Variants in BNC2 observed in about 807,000 individuals in gnomAD.
BNC2 encodes zinc finger protein basonuclin-2.
BNC2 carries 20 observed loss-of-function variants against 76.3 expected under a neutral mutation model. That is an observed-to-expected ratio of 0.26 (90% CI 0.18 to 0.38). BNC2 has a LOEUF of 0.38. Ranked by LOEUF, BNC2 falls within the 10% of genes least tolerant of loss-of-function variation. The pLI is 1.00. For synonymous variants in BNC2, 582 were observed against 514.8 expected (o/e 1.13, Z -1.77); for missense variants, 1,382 against 1,399.8 (o/e 0.99, Z 0.20).
In BNC2 at chr9:16,791,060, T is replaced by C. The variant is rs141543894; in HGVS notation, c.4-52575A>G. 4.6e-3 allele frequency among the ~76,000 whole-genome samples: 700 copies of C among 151,946 alleles called. 5 individuals are homozygous for C. The highest frequency in any genetic ancestry group is 0.016 in the African/African-American group (662 of 41,374). On this transcript the variant is annotated intron_variant, in intron 1 of 6. Coordinates refer to ENST00000380672, the MANE Select transcript of BNC2 (RefSeq NM_017637.6). The stretch of plus-strand genomic sequence containing the variant: ...TAGTGTATGGGATTTTATACAATTA[T>C]AGATTTTTTTTTTTCTTTTGAGATG...
chr9:16,846,603 A>C (rs1563969202), intron 1 of BNC2, among the ~76,000 whole-genome samples: 1 of 152,242 alleles, frequency 6.6e-6, no homozygotes, highest in East Asian at 1.9e-4. Context: ...TTCAGCAGGC[A>C]TGGACAAGGA....
intron 5 of BNC2, among the ~76,000 whole-genome samples, chr9:16,501,711 T>C (rs144943675): frequency 7.2e-5 from 11 of 152,242 alleles, no homozygotes; most frequent in Admixed American, 1.3e-4. Flanking sequence ...CTGTCCACAA[T>C]TGGTTTGATG....
At chr9:16,581,197 A>G (rs971294696) in intron 4 of BNC2, among the ~76,000 whole-genome samples, 2 of 152,362 alleles carry the variant, frequency 1.3e-5, no homozygotes, top group African/African-American at 4.8e-5. Context: ...TTAAGTTAAA[A>G]TGAGGCCCTT....
chr9:16,676,643 T>C (rs939660418), intron 3 of BNC2, among the ~76,000 whole-genome samples: 1 of 152,210 alleles, frequency 6.6e-6, no homozygotes, highest in African/African-American at 2.4e-5. Context: ...TAATCCACAA[T>C]GTATCTGACA....
At chr9:16,469,707 A>T (rs1821778705) in intron 5 of BNC2, among the ~76,000 whole-genome samples, 1 of 152,222 alleles carries the variant, frequency 6.6e-6, no homozygotes, top group African/African-American at 2.4e-5. Flanking sequence ...AAAATGTGGA[A>T]GTTTGGAACT....
chr9:16,526,493 T>TG (rs1554664915), intron 5 of BNC2, among the ~76,000 whole-genome samples: 5 of 130,962 alleles, frequency 3.8e-5, no homozygotes, highest in African/African-American at 1.4e-4. Flanking sequence ...TTTTTTTTTT[T>TG]GCCTTGTGAT....
chr9:16,573,289 A>G (rs149620959), intron 4 of BNC2, among the ~76,000 whole-genome samples: 1,942 of 152,138 alleles, frequency 0.013, 55 homozygotes, highest in African/African-American at 0.043. Context: ...CAGAATTTTA[A>G]TTTTTCTAGT....
intron 3 of BNC2, among the ~76,000 whole-genome samples, chr9:16,610,587 T>C (rs1487163110): frequency 1.3e-5 from 2 of 152,130 alleles, no homozygotes; most frequent in Non-Finnish European, 2.9e-5. Flanking sequence ...GTGAAGAAAA[T>C]ACAAAGTAGA....
chr9:16,639,523 T>C (rs1821425970), intron 3 of BNC2, among the ~76,000 whole-genome samples: 1 of 152,192 alleles, frequency 6.6e-6, no homozygotes, highest in Non-Finnish European at 1.5e-5. Context: ...TTAGTGCCTC[T>C]TCGTTAATTC....
At chr9:16,556,967 A>G (rs1818853329) in intron 4 of BNC2, among the ~76,000 whole-genome samples, 1 of 152,100 alleles carries the variant, frequency 6.6e-6, no homozygotes, top group South Asian at 2.1e-4. Flanking sequence ...TAAGTGTCAT[A>G]AAATCTGTAA....
intron 4 of BNC2, among the ~76,000 whole-genome samples, chr9:16,574,682 G>A (rs1563846233): frequency 6.6e-6 from 1 of 150,672 alleles, no homozygotes; most frequent in Non-Finnish European, 1.5e-5. Flanking sequence ...TACCTTAAGG[G>A]AGACACTAGA....
At chr9:16,625,050 A>T (rs1820955708) in intron 3 of BNC2, among the ~76,000 whole-genome samples, 1 of 152,214 alleles carries the variant, frequency 6.6e-6, no homozygotes, top group Non-Finnish European at 1.5e-5. Flanking sequence ...AACATTCAAT[A>T]ACTAAGTGGT....
chr9:16,575,599 G>A (rs1196374550), intron 4 of BNC2, among the ~76,000 whole-genome samples: 1 of 152,168 alleles, frequency 6.6e-6, no homozygotes, highest in African/African-American at 2.4e-5. Flanking sequence ...CATTAATCAA[G>A]CACCAAACCT....
chr9:16,749,786 T>C (rs1423075674), intron 1 of BNC2, among the ~76,000 whole-genome samples: 3 of 152,086 alleles, frequency 2.0e-5, no homozygotes, highest in Non-Finnish European at 4.4e-5. Context: ...AGACATGAGA[T>C]TAGAAAGCGT....
chr9:16,839,105 T>C (rs750711933), intron 1 of BNC2, among the ~76,000 whole-genome samples: 3 of 152,230 alleles, frequency 2.0e-5, no homozygotes, highest in East Asian at 1.9e-4. Context: ...GTTTCCAACA[T>C]AGTGGATTAA....
intron 3 of BNC2, among the ~76,000 whole-genome samples, chr9:16,630,688 C>G (rs923917895): frequency 1.2e-4 from 18 of 150,784 alleles, no homozygotes; most frequent in Middle Eastern, 3.4e-3. Flanking sequence ...AACTAGATTT[C>G]TGGTCCTCAC....
At chr9:16,679,618 C>A (rs992999558) in intron 3 of BNC2, among the ~76,000 whole-genome samples, 52 of 152,194 alleles carry the variant, frequency 3.4e-4, no homozygotes, top group African/African-American at 1.2e-3. Flanking sequence ...CAAAGCCACT[C>A]TCTTCTTTGA....
At chr9:16,469,397 G>C (rs1215442148) in intron 5 of BNC2, among the ~76,000 whole-genome samples, 1 of 152,144 alleles carries the variant, frequency 6.6e-6, no homozygotes, top group Admixed American at 6.5e-5. Context: ...GGTTTTTCAG[G>C]GGTTTCTGCT....
Position 16,552,578 on chromosome 9 carries a change from G to A in BNC2, c.621C>T (p.His207=), listed in dbSNP as rs144790555. 8.7e-6 allele frequency: 14 copies of A among 1,614,080 alleles called. No individual in the cohort carries two copies. The highest frequency in any genetic ancestry group is 6.7e-5 in the African/African-American group (5 of 74,936). ...AGTCCCGCAGAGTCCAGCCAAGGCC[G>A]TGCAGTATGTGCAGTACCTCCTCTT... ...LKQEEVLHIL[H]GLGWTLRDYV... The change falls in exon 5 of 7, where the codon CAC becomes CAT. Residue 207 remains histidine, a synonymous_variant. Transcript: ENST00000380672.
Sources: allele counts gnomAD v4.1 joint callset (sites outside exome capture counted in the v4.1 genomes callset), GRCh38; gene constraint gnomAD v4.1.1; transcripts MANE v1.5; gene names NCBI Gene and HGNC (gene_info 2026-07-23, HGNC 2026-07-21).